Variants in PCCA observed in about 807,000 individuals in gnomAD.
PCCA encodes propionyl-CoA carboxylase alpha chain, mitochondrial.
In PCCA, 74 loss-of-function variants were observed where a neutral mutation model predicts 101.3. The ratio of observed to expected loss-of-function variants is 0.73; its 90% CI spans 0.61 to 0.89. The LOEUF is 0.89. PCCA is among the 40% of genes least tolerant of loss of function. The pLI is 0.00. For missense variants in PCCA, 891 were observed against 907.0 expected, an observed-to-expected ratio of 0.98 and a Z score of 0.23; for synonymous variants, 294 against 313.6, an observed-to-expected ratio of 0.94 and a Z score of 0.66.
chr13:100,368,384 C>T, intron 18 of PCCA, 88 bp from the exon 19 acceptor site: 1 of 757,072 alleles, frequency 1.3e-6, no homozygotes, highest in Non-Finnish European at 2.3e-6. Flanking sequence ...GCAGTTTTAG[C>T]CTGTGCATTT....
At chr13:100,322,022 A>G (rs775933160) in intron 16 of PCCA, among the ~76,000 whole-genome samples, 30 of 152,224 alleles carry the variant, frequency 2.0e-4, no homozygotes, top group Non-Finnish European at 3.5e-4. Flanking sequence ...ACTAGGGTAC[A>G]GGGTAACCTG....
intron 7 of PCCA, among the ~76,000 whole-genome samples, chr13:100,211,066 C>G (rs1419099794): frequency 6.6e-6 from 1 of 152,184 alleles, no homozygotes; most frequent in Non-Finnish European, 1.5e-5. Flanking sequence ...TTCTCCTCAT[C>G]TTTTAGCTCC....
In PCCA at chr13:100,515,435, G is replaced by A. The variant is rs749219505; in HGVS notation, c.1908G>A (p.Val636=). Residue 636 remains valine (V), a synonymous_variant, in exon 22 of 24, where the codon GTG becomes GTA. Coordinates refer to ENST00000376285, the MANE Select transcript of PCCA (RefSeq NM_000282.4). ...SIQFLGTVYK[V]NILTRLAAEL... is the part of the protein sequence containing the mutation. ...TTTGTTTTTCCCTTAAGTACAAGGT[G>A]AATATCTTAACCAGACTTGCCGCAG... is the stretch of plus-strand genomic sequence containing the variant. 6.2e-7 allele frequency: 1 copy of A among 1,614,022 alleles called. No homozygotes were observed. The highest frequency in any genetic ancestry group is 1.7e-5 in the Admixed American group (1 of 60,028).
intron 4 of PCCA, among the ~76,000 whole-genome samples, chr13:100,127,781 T>A (rs911325087): frequency 4.6e-5 from 7 of 151,798 alleles, no homozygotes; most frequent in African/African-American, 1.2e-4. Context: ...AGTCCCAGCT[T>A]CTCGGGAGGC....
chr13:100,257,981 C>T (rs1044024670), intron 9 of PCCA, among the ~76,000 whole-genome samples: 2 of 152,100 alleles, frequency 1.3e-5, no homozygotes, highest in African/African-American at 4.8e-5. Context: ...AAATTACTAA[C>T]ATTTGGCTAT....
chr13:100,247,609 G>C (rs1021061748), intron 8 of PCCA, among the ~76,000 whole-genome samples: 2 of 150,474 alleles, frequency 1.3e-5, no homozygotes, highest in Non-Finnish European at 1.5e-5. Flanking sequence ...TGCCTCCCGG[G>C]TTCAAGCAAT....
At chr13:100,150,968 G>T in intron 4 of PCCA, 12 of 1,514,818 alleles carry the variant, frequency 7.9e-6, no homozygotes, top group Non-Finnish European at 1.1e-5. Flanking sequence ...ATCAGGCTGG[G>T]TGGGGCGGAG....
chr13:100,252,625 T>C (rs2061828151), intron 8 of PCCA, among the ~76,000 whole-genome samples: 1 of 152,196 alleles, frequency 6.6e-6, no homozygotes, highest in Non-Finnish European at 1.5e-5. Flanking sequence ...AGGTTATTTA[T>C]TGTGTCTTGA....
At chr13:100,401,612 T>G (rs1440776077) in intron 19 of PCCA, among the ~76,000 whole-genome samples, 1 of 152,196 alleles carries the variant, frequency 6.6e-6, no homozygotes, top group Non-Finnish European at 1.5e-5. Context: ...TGAATGTAGC[T>G]TGCTCATTAT....
rs1324515798 is a variant in PCCA at position 100,394,550 on chromosome 13, A to G, written c.1746+25976A>G. The stretch of plus-strand genomic sequence containing the variant: ...ATTCCCTAAACCCAAAATATAAGAT[A>G]GAAACCAGTAACTGAATCTGGTAAC... On this transcript the variant is annotated intron_variant, in intron 19 of 23. Transcript: ENST00000376285. The surrounding 1 kb of genome is among the most constrained non-coding windows in gnomAD (Gnocchi z 4.3). 6.6e-6 allele frequency among the ~76,000 whole-genome samples: 1 copy of G among 152,154 alleles called. No homozygotes were observed.
At chr13:100,235,498 C>T (rs906146111) in intron 7 of PCCA, among the ~76,000 whole-genome samples, 6 of 152,070 alleles carry the variant, frequency 3.9e-5, no homozygotes, top group South Asian at 2.1e-4. Context: ...AAGCTGGCTG[C>T]GGACAAGCTT....
intron 16 of PCCA, among the ~76,000 whole-genome samples, chr13:100,315,843 T>A (rs920160429): frequency 3.3e-5 from 5 of 152,204 alleles, no homozygotes; most frequent in African/African-American, 9.6e-5. Flanking sequence ...AGTATGTGAT[T>A]AATAATATCC....
At chr13:100,142,682 C>T (rs947966591) in intron 4 of PCCA, among the ~76,000 whole-genome samples, 1 of 152,236 alleles carries the variant, frequency 6.6e-6, no homozygotes, top group Admixed American at 6.5e-5. Context: ...CCATGTTGGC[C>T]AGGCTGGTCT....
At chr13:100,274,179 C>G (rs1026873362) in intron 12 of PCCA, among the ~76,000 whole-genome samples, 1 of 152,194 alleles carries the variant, frequency 6.6e-6, no homozygotes, top group South Asian at 2.1e-4. Flanking sequence ...GTTTTCATAT[C>G]ATTCTTCCTT....
chr13:100,320,264 C>G (rs2067874892), intron 16 of PCCA, among the ~76,000 whole-genome samples: 1 of 152,190 alleles, frequency 6.6e-6, no homozygotes, highest in African/African-American at 2.4e-5. Flanking sequence ...ATCATGTCAT[C>G]TGCAAACAGG....
chr13:100,198,398 G>A (rs780412590), intron 6 of PCCA: 1 of 152,208 alleles, frequency 6.6e-6, no homozygotes, highest in African/African-American at 2.4e-5. Flanking sequence ...TGCTGCAGAG[G>A]TGAGTTCCTG....
chr13:100,199,027 G>T (rs1053922661), intron 6 of PCCA, among the ~76,000 whole-genome samples: 5 of 151,176 alleles, frequency 3.3e-5, no homozygotes, highest in Middle Eastern at 3.4e-3. Context: ...TCCGTGTGTT[G>T]ATTTCACTCC....
At chr13:100,266,065 G>T (rs536265827) in intron 10 of PCCA, among the ~76,000 whole-genome samples, 11 of 152,268 alleles carry the variant, frequency 7.2e-5, no homozygotes, top group African/African-American at 2.4e-4. Flanking sequence ...TATTTAGATT[G>T]TCCTTCTTGT....
At chr13:100,162,313 A>G (rs2054566849) in intron 6 of PCCA, among the ~76,000 whole-genome samples, 1 of 152,186 alleles carries the variant, frequency 6.6e-6, no homozygotes, top group African/African-American at 2.4e-5. Context: ...ATGACAACTT[A>G]TGATGTATTC....
Sources: allele counts gnomAD v4.1 joint callset (sites outside exome capture counted in the v4.1 genomes callset), GRCh38; gene constraint gnomAD v4.1.1; non-coding constraint Gnocchi (gnomAD v3.1); transcripts MANE v1.5; gene names NCBI Gene and HGNC (gene_info 2026-07-23, HGNC 2026-07-21).